CDH12: variants seen among roughly 807,000 people sequenced by gnomAD.
The protein encoded by CDH12 is cadherin 12, also known as cadherin-12.
A neutral mutation model predicts 74.1 loss-of-function variants in CDH12; 41 were observed. That is an observed-to-expected ratio of 0.55 (90% CI 0.43 to 0.72). CDH12 has a LOEUF of 0.72. CDH12 is among the 30% of genes least tolerant of loss of function. The pLI is 0.00. For synonymous variants in CDH12, 399 were observed against 355.0 expected (o/e 1.12, Z -1.39); for missense variants, 945 against 977.2 (o/e 0.97, Z 0.44).
intron 3 of CDH12, among the ~76,000 whole-genome samples, chr5:22,330,430 G>A (rs1739299658): frequency 6.6e-6 from 1 of 152,036 alleles, no homozygotes; most frequent in Admixed American, 6.6e-5. Context: ...CCCAGCTGTG[G>A]AGGATATGGT....
At chr5:22,514,508 C>CA (rs542099731) in intron 1 of CDH12, among the ~76,000 whole-genome samples, 107 of 149,782 alleles carry the variant, frequency 7.1e-4, no homozygotes, top group African/African-American at 2.6e-3. Flanking sequence ...GAAGCCTATA[C>CA]ACTTAAAAAA....
Position 21,975,083 on chromosome 5 carries a change from C to T in CDH12, c.526+8G>A. 5.1e-6 allele frequency: 8 copies of T among 1,580,298 alleles called. No homozygotes were observed. The highest frequency in any genetic ancestry group is 6.8e-6 in the Non-Finnish European group (8 of 1,170,962). ...TGTATCTCACAGAATTTTGATTTGC[C>T]TACTCACCCACAGGAGACATTTCTG... On this transcript the variant is annotated splice_region_variant and intron_variant, in intron 6 of 14. Transcript: ENST00000382254.
chr5:21,977,539 A>T (rs1429936590), intron 5 of CDH12, among the ~76,000 whole-genome samples: 2 of 152,182 alleles, frequency 1.3e-5, no homozygotes, highest in Non-Finnish European at 2.9e-5. Context: ...GTGAAAATTC[A>T]GAGTAGGTTT....
chr5:22,656,844 G>C (rs1561556340), intron 1 of CDH12, among the ~76,000 whole-genome samples: 1 of 152,116 alleles, frequency 6.6e-6, no homozygotes, highest in African/African-American at 2.4e-5. Context: ...GTGTTGGAGA[G>C]AGAGAAAGAG....
chr5:22,315,846 C>T (rs2150432919), intron 3 of CDH12, among the ~76,000 whole-genome samples: 1 of 152,058 alleles, frequency 6.6e-6, no homozygotes, highest in Non-Finnish European at 1.5e-5. Context: ...CATTGCCAGA[C>T]ACCTTTCGCA....
chr5:22,153,605 A>T (rs1422652756), intron 4 of CDH12, among the ~76,000 whole-genome samples: 1 of 151,032 alleles, frequency 6.6e-6, no homozygotes, highest in African/African-American at 2.4e-5. Context: ...CAGTTTCTTT[A>T]TCTGTAAAGT....
intron 3 of CDH12, among the ~76,000 whole-genome samples, chr5:22,271,217 AC>A (rs1292132440): frequency 6.6e-6 from 1 of 152,142 alleles, no homozygotes; most frequent in Non-Finnish European, 1.5e-5. Context: ...TGTCATCTCA[AC>A]ATTGTTCAAA....
intron 3 of CDH12, among the ~76,000 whole-genome samples, chr5:22,321,509 G>C (rs1414849367): frequency 3.2e-5 from 4 of 123,312 alleles, no homozygotes; most frequent in Non-Finnish European, 4.9e-5. Context: ...TGGGGGGAGG[G>C]GGGAGGGATA....
In CDH12 at chr5:22,476,849, G is replaced by A. The variant is rs555018958; in HGVS notation, c.-428+28421C>T. On this transcript the variant is annotated intron_variant, in intron 2 of 14. Transcript: ENST00000382254. ...TAGATTATACAATATCTGATATCAA[G>A]TGGATTCCAAACTACAGAGTCCCAA... Among the ~76,000 whole-genome samples the A allele has an allele frequency of 2.6e-5, 4 of 152,246 alleles. No individual in the cohort carries two copies. In the South Asian group the frequency reaches 6.2e-4, roughly 24 times the overall value.
At chr5:22,829,505 A>ATT in intron 1 of CDH12, among the ~76,000 whole-genome samples, 1 of 152,128 alleles carries the variant, frequency 6.6e-6, no homozygotes, top group Non-Finnish European at 1.5e-5. Flanking sequence ...ACACAATCGC[A>ATT]GTCTTGTCTT....
At chr5:21,911,415 A>C (rs1280981253) in intron 6 of CDH12, among the ~76,000 whole-genome samples, 2 of 152,064 alleles carry the variant, frequency 1.3e-5, no homozygotes, top group African/African-American at 4.8e-5. Flanking sequence ...CTTAAGGTTT[A>C]GTTAGAGGAC....
At chr5:21,883,200 GGAAAAACACT>G (rs1752448652) in intron 6 of CDH12, 1 of 1,406,510 alleles carries the variant, frequency 7.1e-7, no homozygotes, top group Non-Finnish European at 1.0e-6. Context: ...AGTAAAGGAT[GGAAAAACACT>G]GAATGATGAA....
intron 6 of CDH12, among the ~76,000 whole-genome samples, chr5:21,905,883 T>C (rs538736667): frequency 2.5e-4 from 38 of 152,322 alleles, no homozygotes; most frequent in Non-Finnish European, 4.9e-4. Context: ...TTCTGACAGA[T>C]GCTGACATAC....
rs550464997 is a variant in CDH12, at chr5:21,790,571, C to T, written c.1257-7077G>A. 1.4e-3 allele frequency among the ~76,000 whole-genome samples: 212 copies of T among 152,150 alleles called. 5 individuals carry two copies. The highest frequency in any genetic ancestry group is 1.6e-3 in the Non-Finnish European group (110 of 67,972). On this transcript the variant is annotated intron_variant, in intron 10 of 14. Coordinates refer to ENST00000382254, the MANE Select transcript of CDH12 (RefSeq NM_004061.5). ...TTGTGCAATTAGTTTAGGGATCTTT[C>T]ATTCCAATATCTATTCTCCTTATGT...
chr5:21,836,395 T>A (rs528819706), intron 8 of CDH12, among the ~76,000 whole-genome samples: 1 of 151,606 alleles, frequency 6.6e-6, no homozygotes, highest in African/African-American at 2.4e-5. Context: ...TGACGTACTA[T>A]TTTCTATGTT....
chr5:22,027,180 G>T (rs1225379396), intron 5 of CDH12, among the ~76,000 whole-genome samples: 1 of 152,072 alleles, frequency 6.6e-6, no homozygotes, highest in Non-Finnish European at 1.5e-5. Context: ...GATCATGGTG[G>T]ATAAGCTTTT....
At chr5:22,574,720 T>C (rs950337767) in intron 1 of CDH12, among the ~76,000 whole-genome samples, 1 of 152,196 alleles carries the variant, frequency 6.6e-6, no homozygotes, top group Non-Finnish European at 1.5e-5. Flanking sequence ...TCTCTTCCTC[T>C]TAACTCAAAT....
intron 1 of CDH12, among the ~76,000 whole-genome samples, chr5:22,735,012 A>G (rs1341803235): frequency 6.6e-6 from 1 of 151,922 alleles, no homozygotes; most frequent in East Asian, 1.9e-4. Flanking sequence ...TAAGGATTCA[A>G]TTCAGCTTAT....
At chr5:22,619,405 C>T (rs1187016314) in intron 1 of CDH12, among the ~76,000 whole-genome samples, 1 of 152,070 alleles carries the variant, frequency 6.6e-6, no homozygotes, top group Non-Finnish European at 1.5e-5. Flanking sequence ...AACTAGTAAA[C>T]ACTGACTAGA....
Sources: allele counts gnomAD v4.1 joint callset (sites outside exome capture counted in the v4.1 genomes callset), GRCh38; gene constraint gnomAD v4.1.1; transcripts MANE v1.5; gene names NCBI Gene and HGNC (gene_info 2026-07-23, HGNC 2026-07-21).